Variants in SVOPL observed in about 807,000 individuals in gnomAD.
SVOPL encodes SVOP like, also known as putative transporter SVOPL.
A neutral mutation model predicts 61.0 loss-of-function variants in SVOPL; 60 were observed. The ratio of observed to expected loss-of-function variants is 0.98; its 90% CI spans 0.80 to 1.22. SVOPL has a LOEUF of 1.22. Among genes scored for constraint, SVOPL ranks in the 50% most tolerant of loss-of-function variants. SVOPL has a pLI of 0.00. For missense variants in SVOPL, 662 were observed against 643.9 expected (o/e 1.03, Z -0.30); for synonymous variants, 279 against 250.0 (o/e 1.12, Z -1.09).
In SVOPL at chr7:138,656,451, A is replaced by G. The variant is rs1801735594; in HGVS notation, c.531T>C (p.Ser177=). 6.2e-7 allele frequency: 1 copy of G among 1,614,020 alleles called. No homozygotes were observed. Among genetic ancestry groups the G allele is most frequent in the Middle Eastern group, 1.6e-4 (1 of 6,062 alleles). ...TKYRGYMLPL[S]QVFWLAGSLL... ...TAGAACTCCTACGTTGCCTTACCTG[A>G]GACAAGGGTAACATATAGCCTCGGT... The change falls in exon 7 of 16, where the codon TCT becomes TCC. Residue 177 remains serine, a synonymous_variant. Transcript: ENST00000674285.
intron 5 of SVOPL, chr7:138,662,353 A>G: frequency 1.0e-6 from 1 of 985,432 alleles, no homozygotes; most frequent in South Asian, 4.7e-5. Flanking sequence ...AGTTCCTGCT[A>G]GTTTCAAACA....
chr7:138,628,309 C>A lies in SVOPL; in HGVS notation c.918G>T (p.Leu306=), dbSNP rs773572957. Residue 306 remains leucine (L), a synonymous_variant, in exon 11 of 16, where the codon CTG becomes CTT. Transcript: ENST00000674285. The stretch of plus-strand genomic sequence containing the variant: ...TTGAACCACAGACCAAGTCCCGCTC[C>A]AGCAGCTCAGCACTGGCCAGGATAA... ...YGVILASAEL[L]ERDLVCGSKS... 3 of 1,614,086 alleles carry A rather than the reference C, an allele frequency of 1.9e-6. No individual in the cohort carries two copies. Among genetic ancestry groups the A allele is most frequent in the Non-Finnish European group, 1.7e-6 (2 of 1,180,046 alleles).
chr7:138,611,861 G>T (rs1421059865), intron 14 of SVOPL, among the ~76,000 whole-genome samples: 12 of 75,852 alleles, frequency 1.6e-4, no homozygotes, highest in East Asian at 3.8e-4. Context: ...CGAGATTGCA[G>T]CCTCTGCCCG....
chr7:138,671,947 C>T (rs1802429832), intron 4 of SVOPL, 72 bp downstream of exon 4: 2 of 1,401,266 alleles, frequency 1.4e-6, no homozygotes, highest in African/African-American at 1.4e-5. Context: ...TGGCTCTCAG[C>T]CCTGCAGGAT....
At chr7:138,699,266 T>C (rs1293911111) in intron 1 of SVOPL, among the ~76,000 whole-genome samples, 1 of 152,068 alleles carries the variant, frequency 6.6e-6, no homozygotes, top group Non-Finnish European at 1.5e-5. Flanking sequence ...ATTGTGCCAT[T>C]GCACTCCATC....
intron 9 of SVOPL, among the ~76,000 whole-genome samples, chr7:138,633,632 A>G (rs1800323573): frequency 6.6e-6 from 1 of 152,174 alleles, no homozygotes; most frequent in African/African-American, 2.4e-5. Flanking sequence ...TAGCAATGCA[A>G]AACGAACAGA....
rs1305578161 is a variant in SVOPL, at chr7:138,598,660, CA to C, written c.1354-2131del. ...ATGTCAAGCTAAGAACAGGTAACAG[CA>C]AAATATCCAAACACTTCTATGTAAT... On this transcript the variant is annotated intron_variant, in intron 14 of 15. Transcript: ENST00000674285. 1.3e-5 allele frequency among the ~76,000 whole-genome samples: 2 copies of C among 152,198 alleles called. 1 individual carries two copies. Among genetic ancestry groups the C allele is most frequent in the African/African-American group, 4.8e-5 (2 of 41,538 alleles).
At chr7:138,606,904 G>A (rs1391142596) in intron 14 of SVOPL, among the ~76,000 whole-genome samples, 2 of 151,906 alleles carry the variant, frequency 1.3e-5, no homozygotes, top group Non-Finnish European at 2.9e-5. Context: ...CAGTGTGCTG[G>A]GATCATACCA....
At chr7:138,663,486 C>T in intron 4 of SVOPL, 1 of 1,078,650 alleles carries the variant, frequency 9.3e-7, no homozygotes, top group Non-Finnish European at 1.1e-6. Context: ...CATGCGCTGC[C>T]TTATACAGTA....
At chr7:138,697,396 T>C (rs1803085076) in intron 1 of SVOPL, among the ~76,000 whole-genome samples, 1 of 151,796 alleles carries the variant, frequency 6.6e-6, no homozygotes, top group African/African-American at 2.4e-5. Flanking sequence ...ATATTAAGAT[T>C]CTAATGGCCA....
intron 14 of SVOPL, among the ~76,000 whole-genome samples, chr7:138,618,769 A>AG (rs980781917): frequency 2.0e-5 from 3 of 151,974 alleles, no homozygotes; most frequent in South Asian, 2.1e-4. Flanking sequence ...AAAAAGAAAA[A>AG]GAAGGAAGGA....
intron 14 of SVOPL, among the ~76,000 whole-genome samples, chr7:138,603,955 C>CTTTTTTT (rs560678707): frequency 2.1e-4 from 23 of 109,238 alleles, no homozygotes; most frequent in South Asian, 3.1e-4. Flanking sequence ...TTAATTTATT[C>CTTTTTTT]TTTTTTTTTT....
intron 13 of SVOPL, among the ~76,000 whole-genome samples, chr7:138,622,054 G>GTATCTATC (rs1799632468): frequency 4.8e-5 from 1 of 21,052 alleles, no homozygotes; most frequent in African/African-American, 2.3e-4. Flanking sequence ...ATCTATCTAT[G>GTATCTATC]TATCTATCTA....
chr7:138,647,940 G>T (rs1233983088), intron 8 of SVOPL, among the ~76,000 whole-genome samples: 1 of 151,996 alleles, frequency 6.6e-6, no homozygotes, highest in African/African-American at 2.4e-5. Flanking sequence ...ATTGAGTCGA[G>T]GTTTAGAATG....
chr7:138,658,093 TACC>T (rs1801833107), intron 6 of SVOPL, among the ~76,000 whole-genome samples: 1 of 152,226 alleles, frequency 6.6e-6, no homozygotes, highest in Non-Finnish European at 1.5e-5. Context: ...CCAGTTTCTT[TACC>T]ACATCTTGTT....
At chr7:138,664,102 G>C (rs1031493250) in intron 4 of SVOPL, 8 of 617,902 alleles carry the variant, frequency 1.3e-5, no homozygotes, top group Non-Finnish European at 1.6e-5. Context: ...CTGTCCGCTC[G>C]CTGGGGCTCC....
At chr7:138,656,218 C>T (rs185983858) in intron 7 of SVOPL, among the ~76,000 whole-genome samples, 12 of 152,300 alleles carry the variant, frequency 7.9e-5, no homozygotes, top group African/African-American at 2.4e-4. Context: ...AAGGTGTGTA[C>T]ATTGCTTTTT....
At chr7:138,654,262 C>T (rs1013742546) in intron 7 of SVOPL, among the ~76,000 whole-genome samples, 1 of 152,140 alleles carries the variant, frequency 6.6e-6, no homozygotes, top group Non-Finnish European at 1.5e-5. Context: ...TTCAAAATAG[C>T]TAGAAGAGAA....
chr7:138,637,033 T>C (rs949858689), intron 9 of SVOPL, among the ~76,000 whole-genome samples: 4 of 152,218 alleles, frequency 2.6e-5, no homozygotes, highest in African/African-American at 7.2e-5. Flanking sequence ...ACATTCTCTT[T>C]ATCATATAAT....
Sources: gnomAD v4.1 joint callset for allele counts (sites outside exome capture counted in the v4.1 genomes callset) on GRCh38, gnomAD v4.1.1 for gene constraint, MANE v1.5 for transcripts, NCBI Gene and HGNC (gene_info 2026-07-23, HGNC 2026-07-21) for gene names.